Variants in NRF1 observed in about 807,000 individuals in gnomAD.
NRF1 encodes alpha palindromic-binding protein.
Under a neutral mutation model 58.5 loss-of-function variants are expected in NRF1, and 5 were observed. The ratio of observed to expected loss-of-function variants is 0.09; its 90% CI spans 0.04 to 0.18. The LOEUF (loss-of-function observed/expected upper bound fraction) is 0.18, where lower values mean the gene tolerates loss of function less well. Ranked by LOEUF, NRF1 falls within the 10% of genes least tolerant of loss-of-function variation. The pLI is 1.00. For synonymous variants in NRF1, 224 were observed against 246.7 expected, an observed-to-expected ratio of 0.91 and a Z score of 0.86; for missense variants, 288 against 657.7, an observed-to-expected ratio of 0.44 and a Z score of 6.15.
intron 1 of NRF1, among the ~76,000 whole-genome samples, chr7:129,623,850 G>GA (rs1174070918): frequency 6.6e-6 from 1 of 152,140 alleles, no homozygotes; most frequent in Non-Finnish European, 1.5e-5. Flanking sequence ...TCCAAAAGAA[G>GA]AACTTTTAGA....
At chr7:129,673,745 G>C (rs986121287) in intron 3 of NRF1, among the ~76,000 whole-genome samples, 1 of 147,360 alleles carries the variant, frequency 6.8e-6, no homozygotes, top group African/African-American at 2.5e-5. Flanking sequence ...AGCTGTTTTC[G>C]GTTTGATGGG....
At chr7:129,654,752 A>G (rs1007157718) in intron 1 of NRF1, among the ~76,000 whole-genome samples, 1 of 152,190 alleles carries the variant, frequency 6.6e-6, no homozygotes, top group Non-Finnish European at 1.5e-5. Context: ...CTCCTTTCTC[A>G]GAGATCAGCT....
At chr7:129,640,257 C>G (rs1801259738) in intron 1 of NRF1, among the ~76,000 whole-genome samples, 1 of 152,156 alleles carries the variant, frequency 6.6e-6, no homozygotes, top group Admixed American at 6.6e-5. Flanking sequence ...TGGTTCATGC[C>G]TGTAATCCAA....
chr7:129,748,274 CA>C (rs10655886), intron 10 of NRF1, among the ~76,000 whole-genome samples: 84 of 78,062 alleles, frequency 1.1e-3, no homozygotes, highest in African/African-American at 3.6e-3. Flanking sequence ...GACTCCGTCT[CA>C]AAAAAAAAAA....
At chr7:129,736,072 T>C (rs1407758392) in intron 10 of NRF1, among the ~76,000 whole-genome samples, 1 of 152,168 alleles carries the variant, frequency 6.6e-6, no homozygotes, top group African/African-American at 2.4e-5. Context: ...CTTACTGTGC[T>C]GTAAAACAAA....
At chr7:129,627,983 G>T (rs1431094297) in intron 1 of NRF1, among the ~76,000 whole-genome samples, 2 of 150,220 alleles carry the variant, frequency 1.3e-5, no homozygotes, top group East Asian at 3.9e-4. Flanking sequence ...ATTCTACCTT[G>T]GATTATTATT....
At chr7:129,697,357 C>T (rs1341339355) in intron 5 of NRF1, among the ~76,000 whole-genome samples, 1 of 151,714 alleles carries the variant, frequency 6.6e-6, no homozygotes, top group East Asian at 1.9e-4. Context: ...TCCTGGCTAA[C>T]ATGGTGAAAC....
At chr7:129,636,768 A>G (rs1473239986) in intron 1 of NRF1, among the ~76,000 whole-genome samples, 1 of 152,122 alleles carries the variant, frequency 6.6e-6, no homozygotes, top group African/African-American at 2.4e-5. Context: ...GCTTCGATAG[A>G]TACGTATGGC....
intron 2 of NRF1, among the ~76,000 whole-genome samples, chr7:129,669,253 T>A (rs1435278829): frequency 6.6e-6 from 1 of 152,176 alleles, no homozygotes; most frequent in Non-Finnish European, 1.5e-5. Context: ...GGCCAGATCT[T>A]GAGTTTTATG....
At chr7:129,656,577 G>T (rs1801660555) in intron 1 of NRF1, among the ~76,000 whole-genome samples, 1 of 151,608 alleles carries the variant, frequency 6.6e-6, no homozygotes, top group Non-Finnish European at 1.5e-5. Context: ...TTTGGAGGGG[G>T]TGTTTGTTTG....
At chr7:129,651,601 T>A (rs1277645826) in intron 1 of NRF1, among the ~76,000 whole-genome samples, 1 of 152,080 alleles carries the variant, frequency 6.6e-6, no homozygotes, top group Non-Finnish European at 1.5e-5. Flanking sequence ...AGCCTACAAA[T>A]CCCTTTGAAA....
intron 8 of NRF1, among the ~76,000 whole-genome samples, chr7:129,713,156 G>C (rs1333043681): frequency 6.7e-6 from 1 of 149,786 alleles, no homozygotes; most frequent in Non-Finnish European, 1.5e-5. Flanking sequence ...GAGTGTAGTG[G>C]CACGATCTCA....
intron 1 of NRF1, among the ~76,000 whole-genome samples, chr7:129,646,845 A>G (rs1464900303): frequency 6.6e-6 from 1 of 151,890 alleles, no homozygotes; most frequent in African/African-American, 2.4e-5. Context: ...AGTGAGACGG[A>G]GAGAGAGAGA....
chr7:129,620,196 A>T lies in NRF1; in HGVS notation c.-7+8372A>T, dbSNP rs561053442. The stretch of plus-strand genomic sequence containing the variant: ...GAAGAACTTTGGAAAGATACGAGGA[A>T]CTTCTTAGAAATGGGAGTAGGAGCA... On this transcript the variant is annotated intron_variant, in intron 1 of 10. Coordinates refer to ENST00000393232, the MANE Select transcript of NRF1 (RefSeq NM_005011.5). Among the ~76,000 whole-genome samples, 3 of 152,300 alleles carry T rather than the reference A, an allele frequency of 2.0e-5. No homozygotes were observed. In the East Asian group the frequency reaches 5.8e-4, roughly 29 times the overall value.
intron 2 of NRF1, among the ~76,000 whole-genome samples, chr7:129,658,124 A>G (rs1472023830): frequency 2.0e-5 from 3 of 151,930 alleles, no homozygotes; most frequent in South Asian, 2.1e-4. Flanking sequence ...CTTCTTTTCT[A>G]TATGCTTTCT....
At chr7:129,751,110 G>A (rs1318964652) in intron 10 of NRF1, among the ~76,000 whole-genome samples, 1 of 152,228 alleles carries the variant, frequency 6.6e-6, no homozygotes, top group Non-Finnish European at 1.5e-5. Flanking sequence ...CGGAGAAGAG[G>A]ACCCAAGATG....
intron 1 of NRF1, among the ~76,000 whole-genome samples, chr7:129,640,282 C>T (rs144978951): frequency 6.6e-6 from 1 of 152,188 alleles, no homozygotes; most frequent in Non-Finnish European, 1.5e-5. Context: ...TTTAGGAGGC[C>T]AAGGTAGGAG....
intron 7 of NRF1, 133 bp downstream of exon 7, chr7:129,710,704 C>G: frequency 1.6e-6 from 1 of 631,354 alleles, no homozygotes; most frequent in Non-Finnish European, 2.8e-6. Context: ...ATCTTCCTAC[C>G]TGAAATTGAT....
Position 129,752,262 on chromosome 7 carries a change from C to T in NRF1, c.1349-2756C>T, listed in dbSNP as rs550036533. Among the ~76,000 whole-genome samples, 12 of 152,124 alleles carry T rather than the reference C, an allele frequency of 7.9e-5. No individual in the cohort carries two copies. In the East Asian group the frequency reaches 2.1e-3, roughly 27 times the overall value. ...AGGTTCCACAAGGAGGGAAAGCTCA[C>T]CCCAGTGTAAAAGGAAGGAGTGGGG... On this transcript the variant is annotated intron_variant, in intron 10 of 10. Coordinates refer to ENST00000393232, the MANE Select transcript of NRF1 (RefSeq NM_005011.5).
Sources: gnomAD v4.1 joint callset for allele counts (sites outside exome capture counted in the v4.1 genomes callset) on GRCh38, gnomAD v4.1.1 for gene constraint, MANE v1.5 for transcripts, NCBI Gene and HGNC (gene_info 2026-07-23, HGNC 2026-07-21) for gene names.